The following RANBP2 variants were observed in gnomAD, a reference collection of about 807,000 sequenced individuals.
RANBP2 encodes the protein E3 SUMO-protein ligase RanBP2.
A neutral mutation model predicts 303.6 loss-of-function variants in RANBP2; 57 were observed. The ratio of observed to expected loss-of-function variants is 0.19; its 90% CI spans 0.15 to 0.23. RANBP2 has a LOEUF of 0.23. RANBP2 is among the 10% of genes least tolerant of loss of function. The pLI, the probability that RANBP2 is intolerant of heterozygous loss-of-function variation, is 1.00. For synonymous variants in RANBP2, 1,167 were observed against 1,301.5 expected (o/e 0.90, Z 2.23); for missense variants, 3,138 against 3,780.8 (o/e 0.83, Z 4.46).
the RANBP2 span, chr2:109,585,151 CA>C: frequency 3.2e-6 from 5 of 1,585,034 alleles, no homozygotes; most frequent in Non-Finnish European, 4.3e-6. Context: ...ATTTGGTCAC[CA>C]AATCCCACTG....
chr2:108,763,688 A>G lies in RANBP2; in HGVS notation c.3149A>G (p.Gln1050Arg). 18 of 1,614,134 alleles carry G rather than the reference A, an allele frequency of 1.1e-5. No homozygotes were observed. The highest frequency in any genetic ancestry group is 1.5e-5 in the Non-Finnish European group (18 of 1,179,994). ...NDGDFTFSSP[Q>R]VVTQPPPAAY... ...GGTGACTTCACGTTTTCCTCACCAC[A>G]GGTTGTGACACAGCCCCCTCCTGCA... Residue 1050 changes from glutamine to arginine, a missense_variant, in exon 20 of 29, where the codon CAG becomes CGG. Gln to Arg is a conservative substitution (Grantham distance 43). This residue lies in a region of RANBP2 where 403 missense variants were observed against 376.7 expected (regional missense o/e 1.07). Transcript: ENST00000283195.
chr2:109,175,166 T>A, the RANBP2 span, among the ~76,000 whole-genome samples: 2 of 152,186 alleles, frequency 1.3e-5, no homozygotes, highest in Non-Finnish European at 2.9e-5. Context: ...TGGTCCAGAC[T>A]AGAAATTGGA....
the RANBP2 span, among the ~76,000 whole-genome samples, chr2:109,498,311 C>T: frequency 6.6e-6 from 1 of 152,186 alleles, no homozygotes; most frequent in South Asian, 2.1e-4. Flanking sequence ...TCTGCTTCCC[C>T]AGGAGTAGGA....
chr2:109,727,602 A>G, the RANBP2 span, among the ~76,000 whole-genome samples: 2 of 152,160 alleles, frequency 1.3e-5, no homozygotes, highest in South Asian at 2.1e-4. Flanking sequence ...ACACAACCGG[A>G]GGCTCAGGTC....
the RANBP2 span, among the ~76,000 whole-genome samples, chr2:108,897,393 C>T: frequency 7.2e-5 from 11 of 152,002 alleles, no homozygotes; most frequent in Middle Eastern, 3.4e-3. Flanking sequence ...TTAAGGCAAA[C>T]GACACCTAGA....
At chr2:109,495,138 A>G in the RANBP2 span, among the ~76,000 whole-genome samples, 1 of 152,192 alleles carries the variant, frequency 6.6e-6, no homozygotes, top group Admixed American at 6.5e-5. Context: ...GGTGTCTGGC[A>G]TATTCTTGTC....
the RANBP2 span, among the ~76,000 whole-genome samples, chr2:109,493,857 CAT>C: frequency 1.9e-4 from 29 of 152,252 alleles, no homozygotes; most frequent in East Asian, 3.7e-3. Context: ...AATACAAACA[CAT>C]ATTCAGACAC....
At chr2:109,318,397 C>T in the RANBP2 span, among the ~76,000 whole-genome samples, 12 of 152,190 alleles carry the variant, frequency 7.9e-5, no homozygotes, top group South Asian at 1.7e-3. Flanking sequence ...GAAGAAATGC[C>T]GCCGAGCGCC....
rs1168919251 is a variant in RANBP2 at position 108,764,892 on chromosome 2, T to A, written c.4353T>A (p.Phe1451Leu). 2 of 1,613,938 alleles carry A rather than the reference T, an allele frequency of 1.2e-6. No individual in the cohort carries two copies. The highest frequency in any genetic ancestry group is 2.7e-5 in the African/African-American group (2 of 74,910). Residue 1451 changes from phenylalanine (F) to leucine (L), a missense_variant, in exon 20 of 29, where the codon TTT becomes TTA. Around this residue, in one of 20 missense-constraint regions of RANBP2, gnomAD observed 388 missense variants for 328.5 expected, o/e 1.18. Coordinates refer to ENST00000283195, the MANE Select transcript of RANBP2 (RefSeq NM_006267.5). ...TKSANKSGSS[F>L]VHQASFKFGQ... ...CTGCTAACAAAAGTGGATCTTCATT[T>A]GTTCATCAAGCTTCATTTAAATTTG... is the stretch of plus-strand genomic sequence containing the variant.
In RANBP2 at chr2:108,728,638, A is replaced by ATGATGT. The variant is rs59397930; in HGVS notation, c.73-492_73-491insATGTTG. Among the ~76,000 whole-genome samples the ATGATGT allele has an allele frequency of 4.4e-4, 60 of 134,954 alleles. 1 individual carries two copies. Among genetic ancestry groups the ATGATGT allele is most frequent in the African/African-American group, 1.5e-3 (58 of 37,800 alleles). 88.5% of individuals were successfully genotyped at this position (134,954 alleles called of 152,430 possible). On this transcript the variant is annotated intron_variant, in intron 1 of 28. Transcript: ENST00000283195. Reference sequence around the variant, plus strand: ...GATGATGATGATGATGATGATGATGATGTTTGGGAGATGGAGTCTCGCTCT... The same window carrying ATGATGT: ...GATGATGATGATGATGATGATGATGATGATGTTGTTTGGGAGATGGAGTCTCGCTCT...
At chr2:109,275,605 C>G in the RANBP2 span, among the ~76,000 whole-genome samples, 1 of 152,172 alleles carries the variant, frequency 6.6e-6, no homozygotes, top group Admixed American at 6.5e-5. Context: ...GTGCTTCTGC[C>G]CTTTTCCTGC....
chr2:109,364,881 A>G, the RANBP2 span, among the ~76,000 whole-genome samples: 195 of 152,326 alleles, frequency 1.3e-3, 2 homozygotes, highest in Admixed American at 2.9e-3. Flanking sequence ...ACTTGAGGTC[A>G]GGAGTTCGAG....
chr2:108,988,629 A>G, the RANBP2 span, among the ~76,000 whole-genome samples: 1 of 152,172 alleles, frequency 6.6e-6, no homozygotes, highest in South Asian at 2.1e-4. Context: ...GGCAAACCTG[A>G]GAAACATACT....
At chr2:109,193,291 T>C in the RANBP2 span, among the ~76,000 whole-genome samples, 1 of 152,242 alleles carries the variant, frequency 6.6e-6, no homozygotes, top group African/African-American at 2.4e-5. Context: ...TAAGGCTTTA[T>C]TGAGACAGAA....
In RANBP2 at chr2:108,765,061, C is replaced by A. The variant is rs1312274008; in HGVS notation, c.4522C>A (p.Gln1508Lys). ...TGCTGCTTGTCAGAATCCGAGAAAA[C>A]AGAGTCTACCTGCTACTTCTATTCC... ...KCAACQNPRK[Q>K]SLPATSIPTP... The change falls in exon 20 of 29, where the codon CAG becomes AAG. Residue 1508 changes from glutamine to lysine, a missense_variant. Gln to Lys is a moderately conservative substitution (Grantham distance 53). Coordinates refer to ENST00000283195, the MANE Select transcript of RANBP2 (RefSeq NM_006267.5). 6.8e-6 allele frequency: 11 copies of A among 1,613,878 alleles called. No homozygotes were observed. Among genetic ancestry groups the A allele is most frequent in the Non-Finnish European group, 9.3e-6 (11 of 1,179,938 alleles).
the RANBP2 span, among the ~76,000 whole-genome samples, chr2:108,922,175 C>A: frequency 1.3e-5 from 2 of 152,250 alleles, no homozygotes; most frequent in Non-Finnish European, 2.9e-5. Flanking sequence ...GACTGCTCCT[C>A]TCCCAGGTTC....
the RANBP2 span, among the ~76,000 whole-genome samples, chr2:108,866,862 G>A: frequency 5.3e-5 from 8 of 151,268 alleles, no homozygotes; most frequent in Middle Eastern, 3.2e-3. Flanking sequence ...CAGCCTGGGC[G>A]ACAGAGTAAG....
At chr2:108,753,205 T>C (rs779929899) in intron 13 of RANBP2, 46 bp downstream of exon 13, 1 of 1,611,456 alleles carries the variant, frequency 6.2e-7, no homozygotes, top group South Asian at 1.1e-5. Flanking sequence ...GAATTTCCAG[T>C]TTATAAACAA....
chr2:109,613,048 G>C, the RANBP2 span: 4 of 546,756 alleles, frequency 7.3e-6, no homozygotes, highest in Non-Finnish European at 1.3e-5. Context: ...AATTAAAAGG[G>C]AGAATTTGTT....
Sources: gnomAD v4.1 joint callset for allele counts (sites outside exome capture counted in the v4.1 genomes callset) on GRCh38, gnomAD v4.1.1 for gene constraint, gnomAD v4.1.1 regional missense constraint, MANE v1.5 for transcripts, NCBI Gene and HGNC (gene_info 2026-07-23, HGNC 2026-07-21) for gene names.